The following PDE4DIP variants were observed in gnomAD, a reference collection of about 807,000 sequenced individuals.
PDE4DIP encodes the protein phosphodiesterase 4D interacting protein, also known as myomegalin.
In PDE4DIP, 59 loss-of-function variants were observed where a neutral mutation model predicts 221.4. That is an observed-to-expected ratio of 0.27 (90% CI 0.22 to 0.33). PDE4DIP has a LOEUF of 0.33. Among genes scored for constraint, PDE4DIP ranks in the 10% least tolerant of loss-of-function variants. The probability of loss-of-function intolerance (pLI) is 1.00; values close to 1 mark genes in which losing one functional copy is unlikely to be tolerated. For synonymous variants in PDE4DIP, 404 were observed against 815.9 expected (o/e 0.50, Z 8.60); for missense variants, 1,036 against 2,154.2 (o/e 0.48, Z 10.28).
intron 9 of PDE4DIP, 126 bp from the exon 13 acceptor site, chr1:148,965,358 C>T: frequency 1.5e-6 from 1 of 655,142 alleles, no homozygotes; most frequent in African/African-American, 1.8e-5. Context: ...ACTTCTATAG[C>T]AATTTTAATA....
chr1:149,015,615 A>C (rs1435059738), intron 32 of PDE4DIP, among the ~76,000 whole-genome samples: 1 of 151,992 alleles, frequency 6.6e-6, no homozygotes, highest in African/African-American at 2.4e-5. Context: ...AGCCTATTAA[A>C]TGAAAGGTCC....
chr1:148,861,660 GAA>G (rs1553401096), intron 1 of PDE4DIP, among the ~76,000 whole-genome samples: 2 of 115,550 alleles, frequency 1.7e-5, no homozygotes, highest in South Asian at 5.6e-4. Context: ...AAAAAAGAGA[GAA>G]AGAGAGAAGT....
intron 22 of PDE4DIP, among the ~76,000 whole-genome samples, chr1:148,995,932 A>G (rs1432716134): frequency 2.6e-5 from 4 of 151,474 alleles, no homozygotes; most frequent in African/African-American, 4.8e-5. Context: ...TGTAAAAAAA[A>G]AAAAACCTTA....
At chr1:148,964,463 T>G (rs1184148016) in intron 9 of PDE4DIP, among the ~76,000 whole-genome samples, 1 of 151,494 alleles carries the variant, frequency 6.6e-6, no homozygotes, top group Non-Finnish European at 1.5e-5. Context: ...GTGTATGTGT[T>G]TGTTTAAGAT....
intron 5 of PDE4DIP, chr1:148,952,433 A>T: frequency 9.2e-7 from 1 of 1,083,426 alleles, no homozygotes; most frequent in South Asian, 4.1e-5. Context: ...CCGGGAGCCC[A>T]GTCTGCTAAA....
intron 2 of PDE4DIP, 21 bp downstream of exon 5, chr1:148,929,294 C>G: frequency 6.3e-7 from 1 of 1,593,918 alleles, no homozygotes; most frequent in African/African-American, 1.3e-5. Context: ...ATTTTAAGCT[C>G]TGGTCCTTTC....
At chr1:148,969,768 G>A (rs587721723) in intron 14 of PDE4DIP, among the ~76,000 whole-genome samples, 58 of 149,848 alleles carry the variant, frequency 3.9e-4, no homozygotes, top group Non-Finnish European at 7.4e-4. Flanking sequence ...GTGCGATGGC[G>A]CAATCTTGGC....
chr1:148,944,796 G>A (rs587712228), intron 5 of PDE4DIP, among the ~76,000 whole-genome samples: 17 of 152,184 alleles, frequency 1.1e-4, no homozygotes, highest in Admixed American at 2.0e-4. Context: ...GCTTGAACCC[G>A]GGAGGTGGAG....
chr1:148,887,026 C>CA (rs1359036793), upstream of PDE4DIP, among the ~76,000 whole-genome samples: 1 of 151,284 alleles, frequency 6.6e-6, no homozygotes, highest in Non-Finnish European at 1.5e-5. Flanking sequence ...CAGGAGCTGG[C>CA]AAAAAACACA....
rs147978217 is a variant in PDE4DIP at position 148,964,550 on chromosome 1, C to T, written c.1195-934C>T. ...TTTAAAAGTAATTTTTGAAGGATCT[C>T]CCTGGTTTAGTGGTTTGGAGATCAA... On this transcript the variant is annotated intron_variant, in intron 9 of 43. Transcript: ENST00000369354. Among the ~76,000 whole-genome samples, 489 of 148,996 alleles carry T rather than the reference C, an allele frequency of 3.3e-3. 1 individual carries two copies. Among genetic ancestry groups the T allele is most frequent in the Non-Finnish European group, 5.2e-3 (353 of 67,436 alleles).
At chr1:148,975,821 G>C (rs2060064634) in intron 17 of PDE4DIP, among the ~76,000 whole-genome samples, 1 of 152,150 alleles carries the variant, frequency 6.6e-6, no homozygotes. Context: ...TAGCTAGCTA[G>C]TCCAAATAGC....
At chr1:148,962,763 T>C (rs2057238021) in intron 9 of PDE4DIP, 123 bp downstream of exon 12, 1 of 332,606 alleles carries the variant, frequency 3.0e-6, no homozygotes, top group Non-Finnish European at 5.5e-6. Context: ...AGTTCAACAC[T>C]TGCTGCCCTT....
At chr1:148,979,288 A>G (rs1466222471) in intron 19 of PDE4DIP, among the ~76,000 whole-genome samples, 3 of 152,208 alleles carry the variant, frequency 2.0e-5, no homozygotes, top group Admixed American at 6.5e-5. Context: ...TACACTCACA[A>G]TGACACACAT....
At chr1:149,015,644 A>T (rs619987) in intron 32 of PDE4DIP, among the ~76,000 whole-genome samples, 28,626 of 151,148 alleles carry the variant, frequency 0.19, 2,778 homozygotes, top group Non-Finnish European at 0.21. Context: ...TCTGTGGAAT[A>T]GTATTCAATG....
At chr1:148,974,944 A>C (rs1206060649) in intron 17 of PDE4DIP, among the ~76,000 whole-genome samples, 5 of 88,234 alleles carry the variant, frequency 5.7e-5, no homozygotes, top group Non-Finnish European at 9.2e-5. Context: ...TGGGCGGATC[A>C]CTTGATCCGC....
intron 36 of PDE4DIP, chr1:149,020,590 G>A (rs2152711414): frequency 3.2e-6 from 1 of 307,802 alleles, no homozygotes; most frequent in South Asian, 4.0e-5. Context: ...GAAGTCTTCA[G>A]TATATCAGAG....
chr1:148,901,999 C>T (rs1395986459), intron 1 of PDE4DIP, among the ~76,000 whole-genome samples: 1 of 96,384 alleles, frequency 1.0e-5, no homozygotes, highest in East Asian at 3.9e-4. Flanking sequence ...GGACACGTGC[C>T]CCTGGCATAG....
intron 21 of PDE4DIP, chr1:148,985,316 G>A (rs1403148793): frequency 5.9e-5 from 9 of 151,948 alleles, no homozygotes; most frequent in East Asian, 1.9e-4. Context: ...TAATATATTC[G>A]AGTGATTTCT....
intron 37 of PDE4DIP, among the ~76,000 whole-genome samples, chr1:149,022,886 A>G (rs1349604084): frequency 4.6e-5 from 7 of 151,902 alleles, no homozygotes; most frequent in Non-Finnish European, 7.4e-5. Context: ...ATTCTGGCAC[A>G]TTAAGAGATG....
Sources: gnomAD v4.1 joint callset for allele counts (sites outside exome capture counted in the v4.1 genomes callset) on GRCh38, gnomAD v4.1.1 for gene constraint, MANE v1.5 for transcripts, NCBI Gene and HGNC (gene_info 2026-07-23, HGNC 2026-07-21) for gene names.